KCNH7: variants seen among roughly 807,000 people sequenced by gnomAD.
KCNH7 encodes the protein voltage-gated inwardly rectifying potassium channel KCNH7.
A neutral mutation model predicts 120.8 loss-of-function variants in KCNH7; 49 were observed. The observed-to-expected ratio is 0.41, with a 90% CI of 0.32 to 0.51. KCNH7 has a LOEUF of 0.51. Ranked by LOEUF, KCNH7 falls within the 20% of genes least tolerant of loss-of-function variation. The pLI, the probability that KCNH7 is intolerant of heterozygous loss-of-function variation, is 0.38. For missense variants in KCNH7, 1,097 were observed against 1,446.6 expected, an observed-to-expected ratio of 0.76 and a Z score of 3.92; for synonymous variants, 547 against 516.1, an observed-to-expected ratio of 1.06 and a Z score of -0.81.
rs1291811127 is a variant in KCNH7 at position 162,397,004 on chromosome 2, TC to T, written c.2408-60del. 6.0e-6 allele frequency: 7 copies of T among 1,174,326 alleles called. No individual in the cohort carries two copies. The African/African-American group carries it at 1.1e-4, about 18-fold the overall frequency. 72.7% of individuals were successfully genotyped at this position (1,174,326 alleles called of 1,614,324 possible). Reference sequence around the variant, plus strand: ...GGGAATCCAAACTCAATGTTCTCCTTCTAAAAGTAGAAGGGGGTCATTAAAC... The same window carrying T: ...GGGAATCCAAACTCAATGTTCTCCTTTAAAAGTAGAAGGGGGTCATTAAAC... On this transcript the variant is annotated intron_variant, in intron 10 of 15. Coordinates refer to ENST00000332142, the MANE Select transcript of KCNH7 (RefSeq NM_033272.4).
In KCNH7 at chr2:162,471,569, C is replaced by G. The variant is rs1389753852; in HGVS notation, c.1129-25126G>C. On this transcript the variant is annotated intron_variant, in intron 6 of 15. Coordinates refer to ENST00000332142, the MANE Select transcript of KCNH7 (RefSeq NM_033272.4). ...CCTCTTCAAGGAGAAATACAAACCA[C>G]TGTTCAATGAAATAAAAGAGGACAC... 2.0e-5 allele frequency among the ~76,000 whole-genome samples: 3 copies of G among 152,260 alleles called. No homozygotes were observed. The East Asian group carries it at 5.8e-4, about 29-fold the overall frequency.
At chr2:162,639,827 A>G (rs1230512824) in intron 2 of KCNH7, among the ~76,000 whole-genome samples, 1 of 152,136 alleles carries the variant, frequency 6.6e-6, no homozygotes, top group African/African-American at 2.4e-5. Context: ...AAAAATCCTA[A>G]GGAATCTGCC....
intron 2 of KCNH7, among the ~76,000 whole-genome samples, chr2:162,609,247 C>T (rs1191093761): frequency 6.6e-6 from 1 of 152,138 alleles, no homozygotes; most frequent in African/African-American, 2.4e-5. Context: ...CCCCACAAGA[C>T]TAACAGTTCC....
At chr2:162,405,321 T>C (rs1392613195) in intron 9 of KCNH7, among the ~76,000 whole-genome samples, 1 of 152,006 alleles carries the variant, frequency 6.6e-6, no homozygotes, top group Non-Finnish European at 1.5e-5. Context: ...ATCAATCCTG[T>C]AGTTAAGTAT....
intron 2 of KCNH7, among the ~76,000 whole-genome samples, chr2:162,573,266 A>G (rs537987108): frequency 1.5e-4 from 23 of 152,214 alleles, no homozygotes; most frequent in Non-Finnish European, 2.6e-4. Context: ...AAATCAAGCC[A>G]TGACTGAGTG....
chr2:162,835,237 T>C (rs976274540), intron 2 of KCNH7, among the ~76,000 whole-genome samples: 5 of 152,112 alleles, frequency 3.3e-5, no homozygotes, highest in Non-Finnish European at 5.9e-5. Context: ...TACAAAGTTA[T>C]ACAAACCTGT....
At chr2:162,752,475 A>G (rs1688585951) in intron 2 of KCNH7, among the ~76,000 whole-genome samples, 1 of 152,154 alleles carries the variant, frequency 6.6e-6, no homozygotes, top group Admixed American at 6.6e-5. Flanking sequence ...AAAATCATTT[A>G]ACTAATTATT....
intron 2 of KCNH7, among the ~76,000 whole-genome samples, chr2:162,793,422 C>A (rs554276302): frequency 6.6e-6 from 1 of 151,548 alleles, no homozygotes; most frequent in Non-Finnish European, 1.5e-5. Flanking sequence ...ATATAGCAAA[C>A]CTGCACATGT....
intron 2 of KCNH7, among the ~76,000 whole-genome samples, chr2:162,697,884 GA>G (rs34802031): frequency 1.3e-5 from 2 of 149,786 alleles, no homozygotes; most frequent in East Asian, 2.0e-4. Context: ...CTATCTAAAA[GA>G]AAAAAAAACT....
At chr2:162,685,819 G>C (rs1685870744) in intron 2 of KCNH7, among the ~76,000 whole-genome samples, 1 of 151,634 alleles carries the variant, frequency 6.6e-6, no homozygotes, top group Admixed American at 6.6e-5. Context: ...CAGAAAGAAA[G>C]ATACACAACT....
chr2:162,806,432 A>T (rs1270435624), intron 2 of KCNH7, among the ~76,000 whole-genome samples: 1 of 152,164 alleles, frequency 6.6e-6, no homozygotes, highest in Non-Finnish European at 1.5e-5. Context: ...GAAAATAGTA[A>T]ATGCCTTTGA....
chr2:162,463,470 G>C (rs1263216940), intron 6 of KCNH7, among the ~76,000 whole-genome samples: 2 of 151,558 alleles, frequency 1.3e-5, no homozygotes. Context: ...TTGTAGAGTT[G>C]GTTACTAGAT....
At chr2:162,516,276 C>T (rs1691292048) in intron 4 of KCNH7, among the ~76,000 whole-genome samples, 1 of 151,696 alleles carries the variant, frequency 6.6e-6, no homozygotes, top group African/African-American at 2.4e-5. Flanking sequence ...ATCCATGCTA[C>T]ACTATATGTA....
intron 2 of KCNH7, among the ~76,000 whole-genome samples, chr2:162,596,690 A>G (rs1463235328): frequency 1.3e-5 from 2 of 152,096 alleles, no homozygotes; most frequent in Non-Finnish European, 2.9e-5. Flanking sequence ...CAACAAAAGC[A>G]AAAATAGACA....
chr2:162,821,029 G>A (rs1398352502), intron 2 of KCNH7, among the ~76,000 whole-genome samples: 2 of 152,012 alleles, frequency 1.3e-5, no homozygotes, highest in Non-Finnish European at 1.5e-5. Context: ...AGACAACAAA[G>A]GTTACACACA....
intron 2 of KCNH7, chr2:162,772,027 T>C (rs1231441432): frequency 1.3e-5 from 2 of 152,144 alleles, no homozygotes; most frequent in African/African-American, 4.8e-5. Flanking sequence ...AGTATAAAGA[T>C]AAGAAGAACC....
chr2:162,537,198 T>TA (rs1402573022), intron 2 of KCNH7, 118 bp from the exon 3 acceptor site: 10 of 705,706 alleles, frequency 1.4e-5, no homozygotes, highest in African/African-American at 1.2e-4. Flanking sequence ...TCACTGATAT[T>TA]AAAAAATAAT....
At chr2:162,645,943 C>T (rs1684345003) in intron 2 of KCNH7, among the ~76,000 whole-genome samples, 1 of 152,152 alleles carries the variant, frequency 6.6e-6, no homozygotes, top group Non-Finnish European at 1.5e-5. Context: ...TGTTGATAAG[C>T]CAGTCACAGT....
intron 8 of KCNH7, among the ~76,000 whole-genome samples, chr2:162,424,390 T>A (rs112174799): frequency 2.7e-4 from 41 of 152,310 alleles, no homozygotes; most frequent in African/African-American, 8.9e-4. Flanking sequence ...TGTATTTATT[T>A]CTAATAATTC....
Sources: gnomAD v4.1 joint callset for allele counts (sites outside exome capture counted in the v4.1 genomes callset) on GRCh38, gnomAD v4.1.1 for gene constraint, MANE v1.5 for transcripts, NCBI Gene and HGNC (gene_info 2026-07-23, HGNC 2026-07-21) for gene names.